Variants in FOXO1 observed in about 807,000 individuals in gnomAD.
FOXO1 encodes forkhead box protein O1.
A neutral mutation model predicts 44.1 loss-of-function variants in FOXO1; 6 were observed. The observed-to-expected ratio is 0.14, with a 90% CI of 0.07 to 0.27. The LOEUF is 0.27. Among genes scored for constraint, FOXO1 ranks in the 10% least tolerant of loss-of-function variants. FOXO1 has a pLI of 1.00. For missense variants in FOXO1, 737 were observed against 888.8 expected (o/e 0.83, Z 2.17); for synonymous variants, 380 against 362.7 (o/e 1.05, Z -0.54).
At chr13:40,576,249 G>A (rs113843427) in intron 1 of FOXO1, among the ~76,000 whole-genome samples, 1 of 152,200 alleles carries the variant, frequency 6.6e-6, no homozygotes, top group African/African-American at 2.4e-5. Flanking sequence ...AGAGAGAGGA[G>A]GTACGGTGGG....
chr13:40,619,462 C>T (rs1304505222), intron 1 of FOXO1: 40 of 1,249,794 alleles, frequency 3.2e-5, no homozygotes, highest in Non-Finnish European at 4.5e-5. Flanking sequence ...AGCTGTGAGT[C>T]GAACAAACTC....
At chr13:40,618,865 G>C (rs1331131109) in intron 1 of FOXO1, 2 of 527,128 alleles carry the variant, frequency 3.8e-6, no homozygotes, top group South Asian at 2.8e-5. Context: ...CTGAGAACTC[G>C]ATGAAGATTA....
intron 1 of FOXO1, among the ~76,000 whole-genome samples, chr13:40,654,680 T>C (rs1295214991): frequency 1.3e-5 from 2 of 152,140 alleles, no homozygotes; most frequent in Non-Finnish European, 2.9e-5. Flanking sequence ...TGGCCAGAGA[T>C]GTATAAAGAA....
chr13:40,616,926 C>T (rs1876441631), intron 1 of FOXO1, among the ~76,000 whole-genome samples: 1 of 152,122 alleles, frequency 6.6e-6, no homozygotes, highest in Admixed American at 6.5e-5. Context: ...CTTCTCGGGG[C>T]TCCTTTTTCA....
chr13:40,642,052 A>G (rs1161550106), intron 1 of FOXO1, among the ~76,000 whole-genome samples: 1 of 152,176 alleles, frequency 6.6e-6, no homozygotes, highest in African/African-American at 2.4e-5. Flanking sequence ...ACATTCAAGA[A>G]ATTACTCAAC....
intron 1 of FOXO1, among the ~76,000 whole-genome samples, chr13:40,616,362 G>A (rs1367744323): frequency 2.0e-5 from 3 of 152,104 alleles, no homozygotes; most frequent in Non-Finnish European, 4.4e-5. Flanking sequence ...CGCTGCAAAG[G>A]GACTAATGTT....
chr13:40,623,762 C>T (rs1049999479), intron 1 of FOXO1, among the ~76,000 whole-genome samples: 4 of 151,814 alleles, frequency 2.6e-5, no homozygotes, highest in African/African-American at 9.7e-5. Flanking sequence ...TAAATCAGAG[C>T]GCATCCCATA....
At chr13:40,626,428 T>C (rs142234200) in intron 1 of FOXO1, among the ~76,000 whole-genome samples, 3 of 152,364 alleles carry the variant, frequency 2.0e-5, no homozygotes, top group African/African-American at 7.2e-5. Flanking sequence ...AGACAGCTCA[T>C]GCCCCACACT....
At chr13:40,638,660 A>C (rs986266753) in intron 1 of FOXO1, among the ~76,000 whole-genome samples, 15 of 152,226 alleles carry the variant, frequency 9.9e-5, no homozygotes, top group Non-Finnish European at 1.5e-5. Flanking sequence ...TTCACAAAAA[A>C]GGCAGCAAAA....
intron 1 of FOXO1, among the ~76,000 whole-genome samples, chr13:40,582,595 A>G (rs1203440133): frequency 1.3e-5 from 2 of 152,218 alleles, no homozygotes. Context: ...ATGTTCATTC[A>G]CAGCATCTTC....
At position 40,612,332 on chromosome 13, in the gene FOXO1, G is replaced by A. The variant is rs564700237; in HGVS notation, c.631-51472C>T. On this transcript the variant is annotated intron_variant, in intron 1 of 2. Transcript: ENST00000379561. Reference sequence around the variant, plus strand: ...AGAAAGCTCAAATGGACAGAGCACAGCAGGCAGACAGTATATCACAGACAC... The same window carrying A: ...AGAAAGCTCAAATGGACAGAGCACAACAGGCAGACAGTATATCACAGACAC... Among the ~76,000 whole-genome samples the A allele has an allele frequency of 3.9e-5, 6 of 152,284 alleles. No homozygotes were observed. In the South Asian group the frequency reaches 1.0e-3, roughly 26 times the overall value.
chr13:40,624,983 G>A (rs2137906999), intron 1 of FOXO1, among the ~76,000 whole-genome samples: 1 of 152,216 alleles, frequency 6.6e-6, no homozygotes, highest in East Asian at 1.9e-4. Flanking sequence ...CTAGGTAAAA[G>A]TAACAAAAAG....
chr13:40,657,319 CTT>C (rs369503666), intron 1 of FOXO1, among the ~76,000 whole-genome samples: 8 of 127,784 alleles, frequency 6.3e-5, no homozygotes, highest in Admixed American at 1.7e-4. Context: ...CCTTTTTTTT[CTT>C]TTTTTTTTTT....
intron 1 of FOXO1, among the ~76,000 whole-genome samples, chr13:40,600,301 G>A (rs1051075752): frequency 6.6e-6 from 1 of 152,126 alleles, no homozygotes; most frequent in East Asian, 1.9e-4. Flanking sequence ...GAATTAAATC[G>A]GCCTCCAGAA....
chr13:40,566,655 AGG>A (rs1874280684), intron 1 of FOXO1, among the ~76,000 whole-genome samples: 1 of 152,188 alleles, frequency 6.6e-6, no homozygotes, highest in African/African-American at 2.4e-5. Context: ...CTGGGATTAC[AGG>A]CGTGAGCCAC....
chr13:40,572,322 A>C (rs542702779), intron 1 of FOXO1, among the ~76,000 whole-genome samples: 185 of 152,246 alleles, frequency 1.2e-3, no homozygotes, highest in African/African-American at 4.3e-3. Flanking sequence ...AACAGAGTAC[A>C]AAGTCTAGAT....
chr13:40,623,208 A>C (rs1348608726), intron 1 of FOXO1, among the ~76,000 whole-genome samples: 1 of 152,086 alleles, frequency 6.6e-6, no homozygotes, highest in Admixed American at 6.5e-5. Context: ...ATTGAGATGC[A>C]TTTCGCTCCA....
chr13:40,621,480 G>A (rs1876615721), intron 1 of FOXO1: 1 of 185,052 alleles, frequency 5.4e-6, no homozygotes, highest in South Asian at 1.9e-4. Context: ...AACTATTTTT[G>A]CGTGCTTTTT....
At chr13:40,641,629 A>G (rs80213093) in intron 1 of FOXO1, among the ~76,000 whole-genome samples, 3,576 of 152,196 alleles carry the variant, frequency 0.023, 151 homozygotes, top group African/African-American at 0.082. Context: ...CAAAATTCCA[A>G]AGATAATTAT....
Sources: gnomAD v4.1 joint callset for allele counts (sites outside exome capture counted in the v4.1 genomes callset) on GRCh38, gnomAD v4.1.1 for gene constraint, MANE v1.5 for transcripts, NCBI Gene and HGNC (gene_info 2026-07-23, HGNC 2026-07-21) for gene names.